Variants in JAG1 observed in about 807,000 individuals in gnomAD.
JAG1 encodes the protein protein jagged-1.
JAG1 carries 23 observed loss-of-function variants against 148.7 expected under a neutral mutation model. The ratio of observed to expected loss-of-function variants is 0.15; its 90% CI spans 0.11 to 0.22. JAG1 has a LOEUF of 0.22. Ranked by LOEUF, JAG1 falls within the 10% of genes least tolerant of loss-of-function variation. The pLI is 1.00. For synonymous variants in JAG1, 572 were observed against 598.3 expected (o/e 0.96, Z 0.64); for missense variants, 1,054 against 1,611.2 (o/e 0.65, Z 5.92).
At chr20:10,672,652 G>A (rs1178882833) in intron 2 of JAG1, 49 bp downstream of exon 2, 2 of 1,584,494 alleles carry the variant, frequency 1.3e-6, no homozygotes, top group African/African-American at 2.7e-5. Flanking sequence ...GGCTCGGCCA[G>A]GCGCGGGTGT....
At chr20:10,641,305 G>A in intron 23 of JAG1, 61 bp from the exon 24 acceptor site, 1 of 1,599,872 alleles carries the variant, frequency 6.3e-7, no homozygotes, top group South Asian at 1.1e-5. Context: ...AAAAGGCTGA[G>A]ATGTTCTCTT....
At chr20:10,642,678 T>C in intron 20 of JAG1, 77 bp from the exon 21 acceptor site, 1 of 861,818 alleles carries the variant, frequency 1.2e-6, no homozygotes, top group South Asian at 1.4e-5. Context: ...TGACATAACA[T>C]ACAAGAAAAG....
intron 13 of JAG1, among the ~76,000 whole-genome samples, chr20:10,647,599 C>G (rs1841962111): frequency 6.6e-6 from 1 of 152,224 alleles, no homozygotes; most frequent in Non-Finnish European, 1.5e-5. Flanking sequence ...GCCTGGGGCT[C>G]CCATACCTGA....
chr20:10,653,138 G>C (rs867311895), intron 5 of JAG1, among the ~76,000 whole-genome samples: 1 of 151,684 alleles, frequency 6.6e-6, no homozygotes, highest in Non-Finnish European at 1.5e-5. Context: ...ACCCTCCCTT[G>C]GCCAAAGCCA....
chr20:10,652,297 C>T (rs761263803), intron 6 of JAG1, 47 bp from the exon 7 acceptor site: 7 of 1,610,742 alleles, frequency 4.3e-6, no homozygotes, highest in South Asian at 2.2e-5. Context: ...GTGAAGATGG[C>T]GAACCCACCA....
chr20:10,664,740 T>C (rs2067441862), intron 2 of JAG1, among the ~76,000 whole-genome samples: 1 of 152,168 alleles, frequency 6.6e-6, no homozygotes, highest in African/African-American at 2.4e-5. Flanking sequence ...GATGAACTTA[T>C]CTGTTAATAA....
rs1044956990 is a variant in JAG1 at position 10,645,524 on chromosome 20, C to CAG, written c.2000-57_2000-56dup. On this transcript the variant is annotated intron_variant, in intron 15 of 25. Transcript: ENST00000254958. This position sits in a 1 kb window ranked among gnomAD's most constrained non-coding sequence, Gnocchi z 6.1. ...AGACGAGATCCAGGACCATTCACGACAGGCGAGAGCCAAGCCTTTCCTACT... is the reference window on the plus strand; with the variant it reads ...AGACGAGATCCAGGACCATTCACGACAGAGGCGAGAGCCAAGCCTTTCCTACT... 4.4e-5 allele frequency: 62 copies of CAG among 1,395,942 alleles called. No individual in the cohort carries two copies. The highest frequency in any genetic ancestry group is 1.8e-4 in the Middle Eastern group (1 of 5,666). 86.5% of individuals were successfully genotyped at this position (1,395,942 alleles called of 1,614,324 possible).
At position 10,658,448 on chromosome 20, in the gene JAG1, A is replaced by T. The variant is rs1414317673; in HGVS notation, c.694+20T>A. The T allele has an allele frequency of 2.5e-6, 4 of 1,613,152 alleles. No individual in the cohort carries two copies. Among genetic ancestry groups the T allele is most frequent in the Non-Finnish European group, 3.4e-6 (4 of 1,179,998 alleles). On this transcript the variant is annotated intron_variant, in intron 4 of 25. Coordinates refer to ENST00000254958, the MANE Select transcript of JAG1 (RefSeq NM_000214.3). ...CTAAAAGCAACAGGCACACGTGCAC[A>T]TGCACACACACACACATACCTCTGT...
chr20:10,649,156 T>C (rs2122609821), intron 10 of JAG1, 49 bp from the exon 11 acceptor site: 1 of 1,266,396 alleles, frequency 7.9e-7, no homozygotes, highest in Non-Finnish European at 1.2e-6. Flanking sequence ...TACAGTGAAA[T>C]TGGGCTTAAT....
At chr20:10,656,206 G>C (rs1568799932) in intron 5 of JAG1, among the ~76,000 whole-genome samples, 192 bp downstream of exon 5, 2 of 152,182 alleles carry the variant, frequency 1.3e-5, no homozygotes, top group Non-Finnish European at 2.9e-5. Context: ...TATTCCAAGA[G>C]AGAAGTGGTG....
intron 2 of JAG1, among the ~76,000 whole-genome samples, chr20:10,672,301 G>A (rs2067501943): frequency 6.6e-6 from 1 of 152,212 alleles, no homozygotes; most frequent in African/African-American, 2.4e-5. Context: ...TCGCAGGCCA[G>A]AACTGCGCCG....
intron 20 of JAG1, among the ~76,000 whole-genome samples, chr20:10,643,273 AG>A (rs1286126426): frequency 1.3e-5 from 2 of 152,212 alleles, no homozygotes; most frequent in Non-Finnish European, 2.9e-5. Flanking sequence ...AGTAGAGAAA[AG>A]GCTCAAAATA....
In JAG1 at chr20:10,647,970, G is replaced by A. The variant is rs781005644; in HGVS notation, c.1710C>T (p.Thr570=). 14 of 1,614,010 alleles carry A rather than the reference G, an allele frequency of 8.7e-6. No individual in the cohort carries two copies. Among genetic ancestry groups the A allele is most frequent in the Admixed American group, 3.3e-5 (2 of 60,008 alleles). ...GGAGAAGGGAGGTACCTTCACAGGG[G>A]GTCGTGCGGCAGTGGTCTTTCAGGT... ...CSHLKDHCRT[T]PCEVIDSCTV... Residue 570 remains threonine (T), a synonymous_variant, in exon 13 of 26, where the codon ACC becomes ACT. Coordinates refer to ENST00000254958, the MANE Select transcript of JAG1 (RefSeq NM_000214.3).
Position 10,672,761 on chromosome 20 carries a change from G to A in JAG1, c.327C>T (p.Leu109=), listed in dbSNP as rs751316740. The part of the protein sequence containing the change: ...TPVIGGNTFN[L]KASRGNDRNR... ...TGCGGTCGTTGCCGCGGCTGGCCTT[G>A]AGGTTGAAGGTGTTGCCCCCGATGA... is the stretch of plus-strand genomic sequence containing the variant. The change falls in exon 2 of 26, where the codon CTC becomes CTT. Residue 109 remains leucine, a synonymous_variant. Transcript: ENST00000254958. 9 of 1,613,002 alleles carry A rather than the reference G, an allele frequency of 5.6e-6. No homozygotes were observed. The highest frequency in any genetic ancestry group is 5.3e-5 in the African/African-American group (4 of 74,950).
chr20:10,646,868 G>A, intron 14 of JAG1, 71 bp downstream of exon 14: 4 of 1,465,086 alleles, frequency 2.7e-6, no homozygotes, highest in South Asian at 2.3e-5. Context: ...TCCCAGGGTG[G>A]GCCAGGGGCA....
intron 2 of JAG1, among the ~76,000 whole-genome samples, chr20:10,665,530 G>A (rs2067447988): frequency 6.6e-6 from 1 of 152,128 alleles, no homozygotes; most frequent in Non-Finnish European, 1.5e-5. Flanking sequence ...AGTTTCTTAG[G>A]ACTTCCTGCA....
rs1448768095 is a variant in JAG1 at position 10,641,137 on chromosome 20, C to T, written c.3024G>A (p.Ala1008=). The change falls in exon 24 of 26, where the codon GCG becomes GCA. Residue 1008 remains alanine (A), a synonymous_variant. Transcript: ENST00000254958. Reference sequence around the variant, plus strand: ...CAATGGCCACATGTATTTCATTGTTCGCTGAAGGGGAAGGCTCGCAAGCGA... The same window carrying T: ...CAATGGCCACATGTATTTCATTGTTTGCTGAAGGGGAAGGCTCGCAAGCGA... ...IYIACEPSPS[A]NNEIHVAISA... The T allele has an allele frequency of 1.9e-6, 3 of 1,613,838 alleles. No individual in the cohort carries two copies. The highest frequency in any genetic ancestry group is 1.6e-4 in the Middle Eastern group (1 of 6,084).
At position 10,639,195 on chromosome 20, in the gene JAG1, G is replaced by A; in HGVS notation, c.*303C>T. ...ATCACCATTAGGACATCTGGCAGAA[G>A]TGGGAGCTCAAAGACCAGGGGGCTG... On this transcript the variant is annotated 3_prime_UTR_variant, in exon 26 of 26. Coordinates refer to ENST00000254958, the MANE Select transcript of JAG1 (RefSeq NM_000214.3). 1 of 444,036 alleles carries A rather than the reference G, an allele frequency of 2.3e-6. No individual in the cohort carries two copies. The allele number at this position is 444,036 out of a possible 1,614,324, so 27.5% of individuals were successfully genotyped here. A position where few individuals can be genotyped will look rare whatever the true frequency, so the allele number is the denominator to read the frequency against.
chr20:10,645,563 A>G lies in JAG1; in HGVS notation c.2000-94T>C. The G allele has an allele frequency of 1.0e-6, 1 of 959,616 alleles. No individual in the cohort carries two copies. 59.4% of individuals were successfully genotyped at this position (959,616 alleles called of 1,614,324 possible). Reference sequence around the variant, plus strand: ...GCCTTTCCTACTGCTTACATCCAACATCCTATTCTGAGAACAGCCACAGTC... The same window carrying G: ...GCCTTTCCTACTGCTTACATCCAACGTCCTATTCTGAGAACAGCCACAGTC... On this transcript the variant is annotated intron_variant, in intron 15 of 25. Coordinates refer to ENST00000254958, the MANE Select transcript of JAG1 (RefSeq NM_000214.3). This position sits in a 1 kb window ranked among gnomAD's most constrained non-coding sequence, Gnocchi z 6.1.
Sources: gnomAD v4.1 joint callset for allele counts (sites outside exome capture counted in the v4.1 genomes callset) on GRCh38, gnomAD v4.1.1 for gene constraint, Gnocchi (gnomAD v3.1) non-coding constraint, MANE v1.5 for transcripts, NCBI Gene and HGNC (gene_info 2026-07-23, HGNC 2026-07-21) for gene names.